ANKS1A: variants seen among roughly 807,000 people sequenced by gnomAD.
The protein encoded by ANKS1A is ankyrin repeat and sterile alpha motif domain containing 1A.
ANKS1A carries 55 observed loss-of-function variants against 120.3 expected under a neutral mutation model. That is an observed-to-expected ratio of 0.46 (90% CI 0.37 to 0.57). ANKS1A has a LOEUF of 0.57. ANKS1A is among the 20% of genes least tolerant of loss of function. The pLI, the probability that ANKS1A is intolerant of heterozygous loss-of-function variation, is 0.00. For missense variants in ANKS1A, 1,123 were observed against 1,480.3 expected (o/e 0.76, Z 3.96); for synonymous variants, 590 against 604.7 (o/e 0.98, Z 0.36).
rs1429922013 is a variant in ANKS1A, at chr6:35,089,150, C to T, written c.*541C>T. The stretch of plus-strand genomic sequence containing the variant: ...CGGTGCGTCTGCTTTTCAAACCCAA[C>T]CATATCAGCTGCTGCTCTTTATGAA... On this transcript the variant is annotated 3_prime_UTR_variant, in exon 24 of 24. Coordinates refer to ENST00000360359, the MANE Select transcript of ANKS1A (RefSeq NM_015245.3). 3 of 1,005,914 alleles carry T rather than the reference C, an allele frequency of 3.0e-6. No homozygotes were observed. Among genetic ancestry groups the T allele is most frequent in the East Asian group, 9.4e-5 (1 of 10,676 alleles). 62.3% of individuals were successfully genotyped at this position (1,005,914 alleles called of 1,614,324 possible).
intron 1 of ANKS1A, among the ~76,000 whole-genome samples, chr6:34,962,720 C>A (rs1303714530): frequency 6.6e-6 from 1 of 150,916 alleles, no homozygotes; most frequent in East Asian, 2.0e-4. Flanking sequence ...ACCCGGGAGG[C>A]AGAGGTTGCA....
chr6:35,060,825 C>G lies in ANKS1A; in HGVS notation c.2184+572C>G, dbSNP rs749688004. ...AAAGGGCCAAAAATAAAAAGAGAAACCAGGGTGTTTCCTCTGGATCCCTGC... is the reference window on the plus strand; with the variant it reads ...AAAGGGCCAAAAATAAAAAGAGAAAGCAGGGTGTTTCCTCTGGATCCCTGC... On this transcript the variant is annotated intron_variant, in intron 13 of 23. Coordinates refer to ENST00000360359, the MANE Select transcript of ANKS1A (RefSeq NM_015245.3). This position sits in a 1 kb window ranked among gnomAD's most constrained non-coding sequence, Gnocchi z 4.5. 6.6e-6 allele frequency among the ~76,000 whole-genome samples: 1 copy of G among 152,148 alleles called. No individual in the cohort carries two copies. The highest frequency in any genetic ancestry group is 1.5e-5 in the Non-Finnish European group (1 of 68,014).
chr6:34,993,749 C>G (rs1941760098), intron 9 of ANKS1A, among the ~76,000 whole-genome samples: 1 of 152,048 alleles, frequency 6.6e-6, no homozygotes, highest in Admixed American at 6.6e-5. Context: ...GGGAAGGATT[C>G]CAGTCTTTGG....
At chr6:34,939,379 G>A (rs1389088451) in intron 1 of ANKS1A, among the ~76,000 whole-genome samples, 1 of 152,176 alleles carries the variant, frequency 6.6e-6, no homozygotes. Flanking sequence ...ATTTCATCAG[G>A]TTTGTGGAGT....
chr6:34,999,948 G>A (rs967741423), intron 10 of ANKS1A, among the ~76,000 whole-genome samples: 4 of 152,056 alleles, frequency 2.6e-5, no homozygotes, highest in Admixed American at 2.6e-4. Flanking sequence ...CAAAAGGAAA[G>A]TCAGAGAGAG....
At chr6:34,996,786 T>C (rs1052744273) in intron 10 of ANKS1A, among the ~76,000 whole-genome samples, 2 of 152,022 alleles carry the variant, frequency 1.3e-5, no homozygotes, top group Non-Finnish European at 2.9e-5. Context: ...TCTTTTCTAT[T>C]TTTTTTGCTA....
the ANKS1A span, among the ~76,000 whole-genome samples, chr6:35,097,002 A>G: frequency 6.7e-4 from 102 of 151,384 alleles, no homozygotes; most frequent in Admixed American, 1.1e-3. Context: ...GCTGGTGTTG[A>G]GATAACACTC....
chr6:34,889,503 G>A lies in ANKS1A; in HGVS notation c.101G>A (p.Gly34Asp). 1 of 1,273,418 alleles carries A rather than the reference G, an allele frequency of 7.9e-7. No individual in the cohort carries two copies. The highest frequency in any genetic ancestry group is 9.8e-7 in the Non-Finnish European group (1 of 1,018,740). The allele number at this position is 1,273,418 out of a possible 1,614,324, so 78.9% of individuals were successfully genotyped here. ...SGKRLSSGFG[G>D]GGGGGSGGGG... is the part of the protein sequence containing the mutation. ...AAGCGGCTCTCCTCAGGCTTTGGGG[G>A]CGGCGGCGGCGGTGGCTCTGGGGGC... The change falls in exon 1 of 24, where the codon GGC becomes GAC. Residue 34 changes from glycine to aspartate, a missense_variant. Gly to Asp is a moderately conservative substitution (Grantham distance 94). This residue lies in a region of ANKS1A where 73 missense variants were observed against 82.2 expected (regional missense o/e 0.89). Coordinates refer to ENST00000360359, the MANE Select transcript of ANKS1A (RefSeq NM_015245.3). This position sits in a 1 kb window ranked among gnomAD's most constrained non-coding sequence, Gnocchi z 5.5.
chr6:35,071,462 T>C (rs549063927), intron 13 of ANKS1A, among the ~76,000 whole-genome samples: 118 of 152,310 alleles, frequency 7.7e-4, no homozygotes, highest in African/African-American at 2.6e-3. Flanking sequence ...TTAGGATCTC[T>C]GCTTTAATGA....
chr6:35,041,715 C>G (rs1775467383), intron 11 of ANKS1A, among the ~76,000 whole-genome samples: 1 of 152,192 alleles, frequency 6.6e-6, no homozygotes, highest in South Asian at 2.1e-4. Flanking sequence ...TCTCAGGAGT[C>G]CTCACACTAC....
At position 35,084,107 on chromosome 6, in the gene ANKS1A, G is replaced by C. The variant is rs1161780416; in HGVS notation, c.2995-14G>C. 6.2e-7 allele frequency: 1 copy of C among 1,613,812 alleles called. No individual in the cohort carries two copies. The highest frequency in any genetic ancestry group is 1.3e-5 in the African/African-American group (1 of 74,914). ...CTGAGCCTGAGAATTCCAGAACACG[G>C]CTTTCCCCAGCAGAACGTCATTGCA... On this transcript the variant is annotated splice_polypyrimidine_tract_variant and intron_variant, in intron 20 of 23. Coordinates refer to ENST00000360359, the MANE Select transcript of ANKS1A (RefSeq NM_015245.3). The surrounding 1 kb of genome is among the most constrained non-coding windows in gnomAD (Gnocchi z 4.8).
chr6:35,023,381 A>G lies in ANKS1A; in HGVS notation c.2010+5322A>G, dbSNP rs552403569. On this transcript the variant is annotated intron_variant, in intron 11 of 23. Transcript: ENST00000360359. ...AGCATAGATGGCTGTATGCTGGAGC[A>G]GTAAACATGACTCTAGCATGTAAAT... 8.8e-5 allele frequency: 16 copies of G among 181,552 alleles called. No homozygotes were observed. The South Asian group carries it at 1.6e-3, about 18-fold the overall frequency. 11.2% of individuals were successfully genotyped at this position (181,552 alleles called of 1,614,324 possible). A position where few individuals can be genotyped will look rare whatever the true frequency, so the allele number is the denominator to read the frequency against.
chr6:35,088,155 C>A (rs938009550), intron 23 of ANKS1A, among the ~76,000 whole-genome samples: 1 of 152,244 alleles, frequency 6.6e-6, no homozygotes, highest in African/African-American at 2.4e-5. Flanking sequence ...CTCCCTCAGC[C>A]TCCTGACTCC....
intron 13 of ANKS1A, among the ~76,000 whole-genome samples, chr6:35,061,136 G>A (rs1041838462): frequency 3.9e-5 from 6 of 152,176 alleles, no homozygotes; most frequent in Non-Finnish European, 8.8e-5. Flanking sequence ...ATGTGGACTC[G>A]TATTAATCCA....
Position 35,082,481 on chromosome 6 carries a change from T to G in ANKS1A, c.2710-210T>G, listed in dbSNP as rs1386719086. 6.6e-6 allele frequency among the ~76,000 whole-genome samples: 1 copy of G among 152,070 alleles called. No homozygotes were observed. Among genetic ancestry groups the G allele is most frequent in the Non-Finnish European group, 1.5e-5 (1 of 67,990 alleles). The stretch of plus-strand genomic sequence containing the variant: ...TTCCCAAGCCCTGCTCTCAGGCGGT[T>G]TGGGTCCCTGCTGTGCCTCTGCTGT... On this transcript the variant is annotated intron_variant, in intron 17 of 23. Coordinates refer to ENST00000360359, the MANE Select transcript of ANKS1A (RefSeq NM_015245.3). This position sits in a 1 kb window ranked among gnomAD's most constrained non-coding sequence, Gnocchi z 4.1.
At chr6:34,981,467 G>A (rs1442678600) in intron 3 of ANKS1A, among the ~76,000 whole-genome samples, 1 of 152,212 alleles carries the variant, frequency 6.6e-6, no homozygotes, top group African/African-American at 2.4e-5. Context: ...CAGTGTTTAA[G>A]AGATGACTTC....
chr6:34,937,728 T>G (rs1769329469), intron 1 of ANKS1A, among the ~76,000 whole-genome samples: 1 of 152,180 alleles, frequency 6.6e-6, no homozygotes, highest in Admixed American at 6.5e-5. Context: ...CATGAAATCC[T>G]TCATTGGGTT....
At chr6:34,901,128 A>G (rs781170724) in intron 1 of ANKS1A, among the ~76,000 whole-genome samples, 2 of 152,200 alleles carry the variant, frequency 1.3e-5, no homozygotes, top group Non-Finnish European at 2.9e-5. Flanking sequence ...TGCCAGATGC[A>G]CTACCAGGGC....
At chr6:35,019,471 A>C (rs1484569001) in intron 11 of ANKS1A, among the ~76,000 whole-genome samples, 1 of 152,114 alleles carries the variant, frequency 6.6e-6, no homozygotes, top group Non-Finnish European at 1.5e-5. Flanking sequence ...GATAAGGTAT[A>C]AGATGAAGCT....
Sources: allele counts gnomAD v4.1 joint callset (sites outside exome capture counted in the v4.1 genomes callset), GRCh38; gene constraint gnomAD v4.1.1; regional missense constraint gnomAD v4.1.1; non-coding constraint Gnocchi (gnomAD v3.1); transcripts MANE v1.5; gene names NCBI Gene and HGNC (gene_info 2026-07-23, HGNC 2026-07-21).